BMPR1B: variants seen among roughly 807,000 people sequenced by gnomAD.
BMPR1B encodes bone morphogenetic protein receptor type 1B, also known as bone morphogenetic protein receptor type-1B.
BMPR1B carries 12 observed loss-of-function variants against 59.1 expected under a neutral mutation model. The observed-to-expected ratio is 0.20, with a 90% confidence interval of 0.13 to 0.33. The LOEUF is 0.33. BMPR1B is among the 10% of genes least tolerant of loss of function. The pLI, the probability that BMPR1B is intolerant of heterozygous loss-of-function variation, is 1.00. For synonymous variants in BMPR1B, 237 were observed against 207.3 expected (o/e 1.14, Z -1.23); for missense variants, 550 against 610.9 (o/e 0.90, Z 1.05).
In BMPR1B at chr4:95,131,316, A is replaced by T; in HGVS notation, c.880A>T (p.Thr294Ser). The T allele has an allele frequency of 6.2e-7, 1 of 1,614,036 alleles. No individual in the cohort carries two copies. Among genetic ancestry groups the T allele is most frequent in the Non-Finnish European group, 8.5e-7 (1 of 1,180,000 alleles). ...NGSLYDYLKSTTLDAKSMLKL... is the reference protein window; with the variant it reads ...NGSLYDYLKSSTLDAKSMLKL... Reference sequence around the variant, plus strand: ...TTCCCTTTATGATTATCTGAAGTCCACCACCCTAGACGCTAAATCAATGCT... The same window carrying T: ...TTCCCTTTATGATTATCTGAAGTCCTCCACCCTAGACGCTAAATCAATGCT... Residue 294 changes from threonine to serine, a missense_variant, in exon 10 of 13, where the codon ACC becomes TCC. Thr to Ser is a moderately conservative substitution (Grantham distance 58). Coordinates refer to ENST00000515059, the MANE Select transcript of BMPR1B (RefSeq NM_001203.3).
intron 3 of BMPR1B, among the ~76,000 whole-genome samples, chr4:95,062,844 A>C (rs1235403411): frequency 6.6e-6 from 1 of 152,064 alleles, no homozygotes; most frequent in African/African-American, 2.4e-5. Context: ...ATTTATCCTG[A>C]TTTTTCAAAC....
intron 3 of BMPR1B, among the ~76,000 whole-genome samples, chr4:95,076,724 CAT>C (rs1560635191): frequency 2.0e-5 from 3 of 151,992 alleles, no homozygotes; most frequent in South Asian, 4.1e-4. Flanking sequence ...TAGGCCAGAA[CAT>C]GTGTGTGCAA....
At chr4:95,052,823 G>C (rs561368453) in intron 3 of BMPR1B, among the ~76,000 whole-genome samples, 1 of 152,086 alleles carries the variant, frequency 6.6e-6, no homozygotes, top group African/African-American at 2.4e-5. Flanking sequence ...GGAATGATAG[G>C]TATTTCATCA....
chr4:95,004,424 C>G lies in BMPR1B; in HGVS notation c.-18+8290C>G, dbSNP rs1199963940. Among the ~76,000 whole-genome samples the G allele has an allele frequency of 3.3e-5, 5 of 151,932 alleles. No individual in the cohort carries two copies. The South Asian group carries it at 6.2e-4, about 19-fold the overall frequency. On this transcript the variant is annotated intron_variant, in intron 3 of 12. Coordinates refer to ENST00000515059, the MANE Select transcript of BMPR1B (RefSeq NM_001203.3). ...CCTTATAGTTGATAAGCAGGTTGTT[C>G]TTCTATTATTTGTAATATTATGCAT...
rs1181461073 is a variant in BMPR1B at position 95,029,729 on chromosome 4, CAACAGTGT to C, written c.-18+33598_-18+33605del. On this transcript the variant is annotated intron_variant, in intron 3 of 12. Coordinates refer to ENST00000515059, the MANE Select transcript of BMPR1B (RefSeq NM_001203.3). ...TGGTGGAACTAGTTTACAGTCCCAC[CAACAGTGT>C]AAAAGTGTTCCTATTTCTCCACATC... Among the ~76,000 whole-genome samples the C allele has an allele frequency of 5.3e-5, 8 of 152,120 alleles. No homozygotes were observed. The South Asian group carries it at 1.2e-3, about 24-fold the overall frequency.
At chr4:94,823,223 G>A (rs1724266687) in intron 1 of BMPR1B, among the ~76,000 whole-genome samples, 1 of 152,176 alleles carries the variant, frequency 6.6e-6, no homozygotes, top group African/African-American at 2.4e-5. Context: ...GTGACAGAAG[G>A]TGTAAAAGAG....
intron 2 of BMPR1B, among the ~76,000 whole-genome samples, chr4:94,979,818 A>G (rs985530398): frequency 2.0e-5 from 3 of 152,200 alleles, no homozygotes; most frequent in Admixed American, 6.5e-5. Flanking sequence ...CTGTCACTAC[A>G]TATGTGGGCC....
At chr4:94,991,930 T>C (rs1220431271) in intron 2 of BMPR1B, among the ~76,000 whole-genome samples, 1 of 152,200 alleles carries the variant, frequency 6.6e-6, no homozygotes, top group Non-Finnish European at 1.5e-5. Context: ...GATGCAGTCT[T>C]CATCTCTCCA....
chr4:94,891,222 C>T (rs1355300865), intron 2 of BMPR1B, among the ~76,000 whole-genome samples: 1 of 152,084 alleles, frequency 6.6e-6, no homozygotes, highest in East Asian at 1.9e-4. Flanking sequence ...CTATACATTC[C>T]ACTTACATCT....
chr4:95,141,388 T>C (rs1276873855), intron 10 of BMPR1B, among the ~76,000 whole-genome samples: 1 of 152,210 alleles, frequency 6.6e-6, no homozygotes, highest in African/African-American at 2.4e-5. Context: ...TGTGAGACAG[T>C]CTCTGTGTAA....
At chr4:94,900,472 TATG>T (rs933385546) in intron 2 of BMPR1B, among the ~76,000 whole-genome samples, 4 of 152,006 alleles carry the variant, frequency 2.6e-5, no homozygotes, top group African/African-American at 4.8e-5. Context: ...TACATACAAA[TATG>T]ATGATGACTT....
At chr4:95,014,405 CATT>C (rs1385402719) in intron 3 of BMPR1B, among the ~76,000 whole-genome samples, 2 of 152,000 alleles carry the variant, frequency 1.3e-5, no homozygotes, top group Non-Finnish European at 2.9e-5. Flanking sequence ...GTTTAACTAC[CATT>C]ATTTAGAAAC....
intron 3 of BMPR1B, among the ~76,000 whole-genome samples, chr4:95,044,058 A>G (rs1246404072): frequency 6.6e-6 from 1 of 152,238 alleles, no homozygotes; most frequent in Non-Finnish European, 1.5e-5. Flanking sequence ...TTTGAAATAT[A>G]TACTTAATAA....
intron 2 of BMPR1B, among the ~76,000 whole-genome samples, chr4:94,899,962 A>G (rs764352346): frequency 4.6e-5 from 7 of 152,078 alleles, no homozygotes; most frequent in Middle Eastern, 3.4e-3. Context: ...TCGAATTACC[A>G]CCGTACAGTT....
chr4:95,075,400 G>A (rs1728626966), intron 3 of BMPR1B, among the ~76,000 whole-genome samples: 1 of 152,122 alleles, frequency 6.6e-6, no homozygotes, highest in African/African-American at 2.4e-5. Context: ...ATGCATGATA[G>A]CGGTACTTTA....
intron 1 of BMPR1B, among the ~76,000 whole-genome samples, chr4:94,837,432 G>C (rs75810060): frequency 0.15 from 20,717 of 134,710 alleles, 2,642 homozygotes; most frequent in South Asian, 0.2. Context: ...CTCTTATTTC[G>C]TTGAGCAGTG....
chr4:94,950,931 T>C (rs574321189), intron 2 of BMPR1B, among the ~76,000 whole-genome samples: 1 of 152,328 alleles, frequency 6.6e-6, no homozygotes, highest in East Asian at 1.9e-4. Context: ...TGTTTTTCCA[T>C]TTGTTTGTGT....
rs1460431898 is a variant in BMPR1B, at chr4:95,157,643, T to C, written c.*2970T>C. 1 of 151,360 alleles carries C rather than the reference T, an allele frequency of 6.6e-6. No individual in the cohort carries two copies. Among genetic ancestry groups the C allele is most frequent in the East Asian group, 1.9e-4 (1 of 5,182 alleles). 9.4% of individuals were successfully genotyped at this position (151,360 alleles called of 1,614,324 possible). ...ATATATATAAATATATATGTATATA[T>C]AAATATTATGTTCAGTTTGGAGTCT... On this transcript the variant is annotated 3_prime_UTR_variant, in exon 13 of 13. Transcript: ENST00000515059.
intron 1 of BMPR1B, among the ~76,000 whole-genome samples, chr4:94,863,446 G>A (rs1726082652): frequency 6.6e-6 from 1 of 152,188 alleles, no homozygotes; most frequent in Admixed American, 6.5e-5. Flanking sequence ...GGTAAAGTGG[G>A]ACAGTGAACA....
Sources: gnomAD v4.1 joint callset for allele counts (sites outside exome capture counted in the v4.1 genomes callset) on GRCh38, gnomAD v4.1.1 for gene constraint, MANE v1.5 for transcripts, NCBI Gene and HGNC (gene_info 2026-07-23, HGNC 2026-07-21) for gene names.